ROBO1: variants seen among roughly 807,000 people sequenced by gnomAD.
ROBO1 encodes roundabout homolog 1.
In ROBO1, 149 loss-of-function variants were observed where a neutral mutation model predicts 195.9. The observed-to-expected ratio is 0.76, with a 90% confidence interval of 0.67 to 0.87. The LOEUF is 0.87. Ranked by LOEUF, ROBO1 falls within the 40% of genes least tolerant of loss-of-function variation. The probability of loss-of-function intolerance (pLI) is 0.00; values close to 1 mark genes in which losing one functional copy is unlikely to be tolerated. For missense variants in ROBO1, 1,933 were observed against 2,068.3 expected, an observed-to-expected ratio of 0.93 and a Z score of 1.27; for synonymous variants, 816 against 733.2, an observed-to-expected ratio of 1.11 and a Z score of -1.82.
At chr3:78,678,379 A>T (rs1708570300) in intron 10 of ROBO1, among the ~76,000 whole-genome samples, 2 of 152,104 alleles carry the variant, frequency 1.3e-5, no homozygotes, top group Admixed American at 6.6e-5. Flanking sequence ...AATTAATGAA[A>T]CCAAGAGCTG....
At chr3:78,753,194 T>C (rs2082841244) in intron 4 of ROBO1, among the ~76,000 whole-genome samples, 1 of 152,202 alleles carries the variant, frequency 6.6e-6, no homozygotes, top group South Asian at 2.1e-4. Context: ...TTTATTTACA[T>C]ACTGTATGAT....
At chr3:79,050,716 A>G (rs1178926526) in intron 3 of ROBO1, among the ~76,000 whole-genome samples, 3 of 152,192 alleles carry the variant, frequency 2.0e-5, no homozygotes, top group Non-Finnish European at 2.9e-5. Context: ...TGTCTCTCAG[A>G]CCACAGTGCA....
At chr3:78,836,498 C>T (rs1342524525) in intron 4 of ROBO1, among the ~76,000 whole-genome samples, 1 of 102,280 alleles carries the variant, frequency 9.8e-6, no homozygotes, top group Admixed American at 1.1e-4. Flanking sequence ...AGACACAGAG[C>T]GAGACTCTGT....
intron 10 of ROBO1, among the ~76,000 whole-genome samples, chr3:78,670,747 G>A (rs1006782232): frequency 2.6e-5 from 4 of 152,016 alleles, no homozygotes; most frequent in African/African-American, 9.6e-5. Context: ...TTGTACAACA[G>A]AAAAAAAGAA....
intron 2 of ROBO1, among the ~76,000 whole-genome samples, chr3:79,484,745 A>G (rs1406370455): frequency 4.7e-5 from 2 of 42,866 alleles, no homozygotes; most frequent in Non-Finnish European, 1.0e-4. Context: ...CACCACTATC[A>G]TTGCACTATC....
chr3:79,552,003 A>C (rs866178976), intron 2 of ROBO1, among the ~76,000 whole-genome samples: 3,012 of 144,080 alleles, frequency 0.021, 50 homozygotes, highest in African/African-American at 0.074. Context: ...AAAAAAAAAA[A>C]AAAAAAAAAA....
intron 2 of ROBO1, among the ~76,000 whole-genome samples, chr3:79,443,347 G>A (rs1272562575): frequency 6.6e-6 from 1 of 152,046 alleles, no homozygotes; most frequent in Non-Finnish European, 1.5e-5. Context: ...CCAATTAACA[G>A]GCATTGTAGT....
At chr3:79,206,044 T>A (rs932197455) in intron 2 of ROBO1, among the ~76,000 whole-genome samples, 1 of 152,128 alleles carries the variant, frequency 6.6e-6, no homozygotes, top group Non-Finnish European at 1.5e-5. Flanking sequence ...AAATATTAAG[T>A]GGAAAATTCC....
At chr3:79,597,853 T>C (rs1453023168) in intron 1 of ROBO1, among the ~76,000 whole-genome samples, 2 of 151,916 alleles carry the variant, frequency 1.3e-5, no homozygotes, top group Non-Finnish European at 2.9e-5. Context: ...GGCAACAGAG[T>C]TTAGCAGGAG....
chr3:79,489,433 A>C (rs1250071012), intron 2 of ROBO1, among the ~76,000 whole-genome samples: 6 of 152,072 alleles, frequency 3.9e-5, no homozygotes, highest in African/African-American at 2.4e-5. Context: ...AGGTGGGCGG[A>C]TCACGAGGTC....
chr3:78,759,514 A>G (rs1030654062), intron 4 of ROBO1: 3 of 152,202 alleles, frequency 2.0e-5, no homozygotes, highest in Admixed American at 1.3e-4. Flanking sequence ...AGTGCATCCA[A>G]TAAGCTATAA....
intron 7 of ROBO1, among the ~76,000 whole-genome samples, chr3:78,716,585 A>C (rs79144579): frequency 0.013 from 2,007 of 152,292 alleles, 22 homozygotes; most frequent in Non-Finnish European, 0.021. Context: ...AAACCATATC[A>C]GCTTGATATT....
chr3:78,675,020 T>C (rs949008357), intron 10 of ROBO1, among the ~76,000 whole-genome samples: 5 of 152,140 alleles, frequency 3.3e-5, no homozygotes, highest in Admixed American at 2.6e-4. Flanking sequence ...TCATACTAGC[T>C]TATTGGAGCC....
rs184965272 is a variant in ROBO1 at position 79,093,137 on chromosome 3, T to G, written c.172+32319A>C. Among the ~76,000 whole-genome samples, 419 of 152,244 alleles carry G rather than the reference T, an allele frequency of 2.8e-3. 4 individuals carry two copies. The highest frequency in any genetic ancestry group is 9.6e-3 in the African/African-American group (397 of 41,552). ...ACTGAGCTTCTGTTTTTTGCCTTTT[T>G]GGTCAACATGGTATCAGTGGCCTAA... On this transcript the variant is annotated intron_variant, in intron 3 of 30. Coordinates refer to ENST00000464233, the MANE Select transcript of ROBO1 (RefSeq NM_002941.4).
In ROBO1 at chr3:79,121,283, A is replaced by G. The variant is rs982378488; in HGVS notation, c.172+4173T>C. ...TTTGCTTAGTTTGAATGGTGAAGCA[A>G]TACAATGAAGAATGTAGGGAGACAC... On this transcript the variant is annotated intron_variant, in intron 3 of 30. Transcript: ENST00000464233. 3.3e-5 allele frequency among the ~76,000 whole-genome samples: 5 copies of G among 152,142 alleles called. No homozygotes were observed. The South Asian group carries it at 6.2e-4, about 19-fold the overall frequency.
chr3:79,083,253 C>G (rs1239030233), intron 3 of ROBO1, among the ~76,000 whole-genome samples: 3 of 151,332 alleles, frequency 2.0e-5, no homozygotes, highest in Non-Finnish European at 4.4e-5. Flanking sequence ...TGATAATGGA[C>G]ATGAAGAAAA....
chr3:79,499,441 AAT>A (rs1939935123), intron 2 of ROBO1, among the ~76,000 whole-genome samples: 2 of 152,216 alleles, frequency 1.3e-5, no homozygotes, highest in South Asian at 4.1e-4. Context: ...TACATAAGAC[AAT>A]TAGTCCAACC....
rs547172262 is a variant in ROBO1 at position 78,680,390 on chromosome 3, C to G, written c.1342+5356G>C. On this transcript the variant is annotated intron_variant, in intron 10 of 30. Coordinates refer to ENST00000464233, the MANE Select transcript of ROBO1 (RefSeq NM_002941.4). ...CAAAAGAAACTACCATCAGAGTGAA[C>G]AGGCAACCTACAAAATGGGAGAAAA... Among the ~76,000 whole-genome samples, 1,471 of 152,172 alleles carry G rather than the reference C, an allele frequency of 9.7e-3. 27 individuals carry two copies. The highest frequency in any genetic ancestry group is 0.034 in the African/African-American group (1,399 of 41,514).
intron 1 of ROBO1, among the ~76,000 whole-genome samples, chr3:79,707,464 C>G (rs537614302): frequency 1.3e-5 from 2 of 151,892 alleles, no homozygotes; most frequent in Non-Finnish European, 2.9e-5. Context: ...ATTGCTTTTT[C>G]TCTGTTGATT....
Sources: gnomAD v4.1 joint callset for allele counts (sites outside exome capture counted in the v4.1 genomes callset) on GRCh38, gnomAD v4.1.1 for gene constraint, MANE v1.5 for transcripts, NCBI Gene and HGNC (gene_info 2026-07-23, HGNC 2026-07-21) for gene names.